The following VWF variants were observed in gnomAD, a reference collection of about 807,000 sequenced individuals.
VWF encodes the protein Factor VIII related antigen.
VWF carries 176 observed loss-of-function variants against 308.6 expected under a neutral mutation model. The observed-to-expected ratio is 0.57, with a 90% CI of 0.50 to 0.65. The LOEUF (loss-of-function observed/expected upper bound fraction) is 0.65, where lower values mean the gene tolerates loss of function less well. Among genes scored for constraint, VWF ranks in the 30% least tolerant of loss-of-function variants. The pLI, the probability that VWF is intolerant of heterozygous loss-of-function variation, is 0.00. For synonymous variants in VWF, 1,385 were observed against 1,443.4 expected (o/e 0.96, Z 0.92); for missense variants, 3,146 against 3,648.2 (o/e 0.86, Z 3.55).
chr12:5,969,425 G>A (rs924336979), intron 44 of VWF, 34 bp from the exon 45 acceptor site: 1 of 1,613,550 alleles, frequency 6.2e-7, no homozygotes, highest in African/African-American at 1.3e-5. Context: ...AACAAGCTGG[G>A]GCAGGGCTGG....
In VWF at chr12:6,013,469, T is replaced by C. The variant is rs369572514; in HGVS notation, c.5620+12A>G. On this transcript the variant is annotated intron_variant, in intron 32 of 51. Coordinates refer to ENST00000261405, the MANE Select transcript of VWF (RefSeq NM_000552.5). ...TTTTTGAGGGAAGTAAGAAAGGTAT[T>C]ATAAGACTCACCAGAGCACAGTTTG... is the stretch of plus-strand genomic sequence containing the variant. The C allele has an allele frequency of 3.7e-5, 60 of 1,614,052 alleles. No homozygotes were observed. The highest frequency in any genetic ancestry group is 8.3e-5 in the Admixed American group (5 of 60,002).
chr12:5,962,298 A>G (rs1028213887), intron 47 of VWF, among the ~76,000 whole-genome samples: 1 of 152,176 alleles, frequency 6.6e-6, no homozygotes, highest in African/African-American at 2.4e-5. Context: ...ATAATCCGGC[A>G]CACTTTAAAC....
chr12:5,998,993 G>A (rs1003360091), intron 34 of VWF, among the ~76,000 whole-genome samples: 3 of 152,164 alleles, frequency 2.0e-5, no homozygotes, highest in Admixed American at 1.3e-4. Flanking sequence ...AAAGTGCTGG[G>A]ATTACAGGCG....
At chr12:5,971,133 CTG>C (rs1461828955) in intron 44 of VWF, among the ~76,000 whole-genome samples, 2 of 152,182 alleles carry the variant, frequency 1.3e-5, no homozygotes, top group Non-Finnish European at 1.5e-5. Context: ...AGCAGAGGGA[CTG>C]TGGGAAATAC....
Position 6,019,272 on chromosome 12 carries a change from C to A in VWF, c.4146G>T (p.Leu1382=), listed in dbSNP as rs140464171. ...GGGGCTCCTGGCTGGCCATCAGGAG[C>A]AGGGTGATGCGGGAGGCTTCAGGGC... The part of the protein sequence containing the change: ...IDRPEASRIT[L]LLMASQEPQR... The change falls in exon 28 of 52, where the codon CTG becomes CTT. Residue 1382 remains leucine, a synonymous_variant. Transcript: ENST00000261405. This position sits in a 1 kb window ranked among gnomAD's most constrained non-coding sequence, Gnocchi z 5.8. 6.4e-4 allele frequency: 1,033 copies of A among 1,613,830 alleles called. No homozygotes were observed. The highest frequency in any genetic ancestry group is 8.2e-4 in the Non-Finnish European group (968 of 1,179,838).
intron 1 of VWF, among the ~76,000 whole-genome samples, chr12:6,123,744 T>C (rs1017117305): frequency 2.0e-4 from 30 of 152,158 alleles, no homozygotes; most frequent in African/African-American, 7.2e-4. Context: ...CCTGGCAAGA[T>C]GCTTAGCACC....
At chr12:6,000,693 T>A (rs1943862069) in intron 34 of VWF, among the ~76,000 whole-genome samples, 1 of 150,152 alleles carries the variant, frequency 6.7e-6, no homozygotes, top group African/African-American at 2.5e-5. Flanking sequence ...GCGCCTGTAG[T>A]CCCAGCTACT....
intron 35 of VWF, 45 bp from the exon 36 acceptor site, chr12:5,994,652 A>C: frequency 6.3e-7 from 1 of 1,593,838 alleles, no homozygotes. Flanking sequence ...AGCAATGAGG[A>C]ATCCTAGGTT....
rs1198017707 is a variant in VWF, at chr12:5,994,078, C to G, written c.6382G>C (p.Glu2128Gln). Residue 2128 changes from glutamate (E) to glutamine (Q), a missense_variant, in exon 37 of 52, where the codon GAG becomes CAG. Physicochemically the swap from Glu to Gln is conservative, Grantham distance 29. Coordinates refer to ENST00000261405, the MANE Select transcript of VWF (RefSeq NM_000552.5). ...CTGTCGGGGACAAGACACTGCTCCT[C>G]CAGGATGGGCTGGCACGTCTGCCCT... ...RPGQTCQPIL[E>Q]EQCLVPDSSH... 6.2e-7 allele frequency: 1 copy of G among 1,614,104 alleles called. No homozygotes were observed. Among genetic ancestry groups the G allele is most frequent in the Admixed American group, 1.7e-5 (1 of 60,006 alleles).
At chr12:6,051,134 C>T (rs148767575) in intron 16 of VWF, among the ~76,000 whole-genome samples, 3 of 151,892 alleles carry the variant, frequency 2.0e-5, no homozygotes, top group East Asian at 3.9e-4. Flanking sequence ...AAAACTATTC[C>T]AGCCACACAG....
chr12:6,113,660 T>C (rs1945334963), intron 3 of VWF, among the ~76,000 whole-genome samples: 2 of 152,376 alleles, frequency 1.3e-5, no homozygotes, highest in South Asian at 2.1e-4. Context: ...GAGGAGTATA[T>C]GGATCTTGAA....
At position 6,029,449 on chromosome 12, in the gene VWF, C is replaced by G. The variant is rs1944233329; in HGVS notation, c.2860G>C (p.Glu954Gln). The part of the protein sequence containing the change: ...KRPMKDETHF[E>Q]VVESGRYIIL... ...ATGTACCGGCCAGACTCCACCACCTCAAAGTGAGTCTCATCCTTCATGGGC... is the reference window on the plus strand; with the variant it reads ...ATGTACCGGCCAGACTCCACCACCTGAAAGTGAGTCTCATCCTTCATGGGC... The change falls in exon 22 of 52, where the codon GAG becomes CAG. Residue 954 changes from glutamate (E) to glutamine (Q), a missense_variant. This residue lies in a region of VWF where 1,304 missense variants were observed against 1,353.0 expected (regional missense o/e 0.96). Coordinates refer to ENST00000261405, the MANE Select transcript of VWF (RefSeq NM_000552.5). 6.2e-7 allele frequency: 1 copy of G among 1,614,172 alleles called. No homozygotes were observed. Among genetic ancestry groups the G allele is most frequent in the East Asian group, 2.2e-5 (1 of 44,876 alleles).
chr12:5,988,118 A>T (rs1943699910), intron 38 of VWF, among the ~76,000 whole-genome samples: 1 of 152,222 alleles, frequency 6.6e-6, no homozygotes, highest in South Asian at 2.1e-4. Flanking sequence ...AGACTTGGGC[A>T]AAGGGGAAAG....
At chr12:5,964,593 T>C (rs772225521) in intron 47 of VWF, among the ~76,000 whole-genome samples, 3 of 152,224 alleles carry the variant, frequency 2.0e-5, no homozygotes, top group Non-Finnish European at 4.4e-5. Context: ...CAAGTCAATT[T>C]GGAGCACCCA....
At chr12:5,964,575 T>C (rs778924168) in intron 47 of VWF, among the ~76,000 whole-genome samples, 25 of 152,216 alleles carry the variant, frequency 1.6e-4, no homozygotes, top group Non-Finnish European at 3.1e-4. Context: ...TTTTCTATTA[T>C]GAATCACCAA....
At chr12:5,953,175 C>T (rs1167304196) in intron 48 of VWF, among the ~76,000 whole-genome samples, 2 of 151,758 alleles carry the variant, frequency 1.3e-5, no homozygotes, top group Non-Finnish European at 2.9e-5. Context: ...TGCAGTGAGC[C>T]GAGATCGTGA....
chr12:6,011,934 A>C (rs1429193889), intron 33 of VWF, 140 bp from the exon 34 acceptor site: 1 of 1,253,776 alleles, frequency 8.0e-7, no homozygotes, highest in Non-Finnish European at 1.2e-6. Context: ...GACAGGAAGC[A>C]AAACACAAGA....
chr12:6,037,365 G>A (rs954169947), intron 18 of VWF, among the ~76,000 whole-genome samples: 7 of 152,140 alleles, frequency 4.6e-5, no homozygotes, highest in African/African-American at 9.7e-5. Context: ...AAATCGATCA[G>A]AACTAGAGTC....
chr12:6,031,102 T>TACACACAC (rs67042989), intron 21 of VWF, among the ~76,000 whole-genome samples: 125 of 151,168 alleles, frequency 8.3e-4, no homozygotes, highest in Middle Eastern at 6.8e-3. Flanking sequence ...CATCACTTCA[T>TACACACAC]ACACACACAC....
Sources: gnomAD v4.1 joint callset for allele counts (sites outside exome capture counted in the v4.1 genomes callset) on GRCh38, gnomAD v4.1.1 for gene constraint, gnomAD v4.1.1 regional missense constraint, Gnocchi (gnomAD v3.1) non-coding constraint, MANE v1.5 for transcripts, NCBI Gene and HGNC (gene_info 2026-07-23, HGNC 2026-07-21) for gene names.